Variants in FAM200B observed in about 807,000 individuals in gnomAD.
FAM200B encodes the protein zinc finger BED-type containing 11.
Under a neutral mutation model 33.1 loss-of-function variants are expected in FAM200B, and 32 were observed. That is an observed-to-expected ratio of 0.97 (90% CI 0.73 to 1.30). The LOEUF (loss-of-function observed/expected upper bound fraction) is 1.30. FAM200B is among the 50% of genes most tolerant of loss of function. The probability of loss-of-function intolerance (pLI) is 0.00; values close to 1 mark genes in which losing one functional copy is unlikely to be tolerated. For synonymous variants in FAM200B, 240 were observed against 264.8 expected (o/e 0.91, Z 0.91); for missense variants, 741 against 754.0 (o/e 0.98, Z 0.20).
the FAM200B span, among the ~76,000 whole-genome samples, chr4:15,642,243 CTTTTT>C: frequency 7.1e-6 from 1 of 141,772 alleles, no homozygotes; most frequent in South Asian, 2.3e-4. Flanking sequence ...ATAATGAAAA[CTTTTT>C]TTTTTTTTTT....
chr4:15,668,400 CAG>C, the FAM200B span, among the ~76,000 whole-genome samples: 4 of 151,764 alleles, frequency 2.6e-5, no homozygotes, highest in Non-Finnish European at 5.9e-5. Context: ...AGTGACAAAA[CAG>C]AGAAAAGTGT....
At chr4:15,683,126 A>G (rs997352614) in intron 1 of FAM200B, among the ~76,000 whole-genome samples, 1 of 152,256 alleles carries the variant, frequency 6.6e-6, no homozygotes, top group African/African-American at 2.4e-5. Context: ...AACAATAACA[A>G]TCATTGCATT....
chr4:15,681,205 CTAAA>C (rs1317218270), upstream of FAM200B: 1 of 152,192 alleles, frequency 6.6e-6, no homozygotes. Context: ...ATGCGATTCT[CTAAA>C]TAAGTAAACA....
the FAM200B span, among the ~76,000 whole-genome samples, chr4:15,656,497 T>C: frequency 6.6e-6 from 1 of 152,312 alleles, no homozygotes; most frequent in Non-Finnish European, 1.5e-5. Flanking sequence ...CAAGACAACA[T>C]GGGGATCAGT....
In FAM200B at chr4:15,686,728, G is replaced by A. The variant is rs1718880283; in HGVS notation, c.-250G>A. 3.8e-6 allele frequency: 1 copy of A among 265,734 alleles called. No individual in the cohort carries two copies. The highest frequency in any genetic ancestry group is 7.1e-6 in the Non-Finnish European group (1 of 141,474). 16.5% of individuals were successfully genotyped at this position (265,734 alleles called of 1,614,324 possible). A position where few individuals can be genotyped will look rare whatever the true frequency, so the allele number is the denominator to read the frequency against. On this transcript the variant is annotated 5_prime_UTR_variant, in exon 2 of 2. Coordinates refer to ENST00000422728, the MANE Select transcript of FAM200B (RefSeq NM_001145191.2). The stretch of plus-strand genomic sequence containing the variant: ...GATGAATAGAATGTATATTGGCTAA[G>A]AAATGGTTTTCAGTCATTGATTCCT...
At chr4:15,643,781 A>G in the FAM200B span, among the ~76,000 whole-genome samples, 1 of 152,242 alleles carries the variant, frequency 6.6e-6, no homozygotes, top group African/African-American at 2.4e-5. Flanking sequence ...AGTAATAATT[A>G]TACCTTTGGT....
the FAM200B span, chr4:15,644,515 T>C: frequency 6.2e-7 from 1 of 1,612,070 alleles, no homozygotes; most frequent in Non-Finnish European, 8.5e-7. Flanking sequence ...CAGTCCCTTT[T>C]CAAAGAGGCT....
chr4:15,676,595 T>C, the FAM200B span, among the ~76,000 whole-genome samples: 2 of 152,050 alleles, frequency 1.3e-5, no homozygotes, highest in South Asian at 2.1e-4. Context: ...CACTCAATAT[T>C]AGATATTAGA....
the FAM200B span, chr4:15,640,974 T>C: frequency 8.2e-6 from 5 of 606,164 alleles, no homozygotes; most frequent in Non-Finnish European, 1.4e-5. Context: ...ACATAAAACC[T>C]CCGGGGAAAA....
chr4:15,640,503 A>G, the FAM200B span, among the ~76,000 whole-genome samples: 1 of 152,020 alleles, frequency 6.6e-6, no homozygotes, highest in African/African-American at 2.4e-5. Context: ...TTAGGGTAGC[A>G]TAAGTTATTA....
At chr4:15,680,215 G>A (rs955439719), upstream of FAM200B, among the ~76,000 whole-genome samples, 8 of 152,050 alleles carry the variant, frequency 5.3e-5, no homozygotes, top group African/African-American at 1.2e-4. Context: ...CATGAAGACC[G>A]GAAGGATAAA....
chr4:15,644,268 C>T, the FAM200B span, among the ~76,000 whole-genome samples: 1 of 152,212 alleles, frequency 6.6e-6, no homozygotes, highest in East Asian at 1.9e-4. Flanking sequence ...TAAATCCCTA[C>T]TTGTCCTTAC....
At chr4:15,664,550 CTT>C in the FAM200B span, among the ~76,000 whole-genome samples, 12,650 of 74,588 alleles carry the variant, frequency 0.17, 204 homozygotes, top group Non-Finnish European at 0.2. Flanking sequence ...GGCCCTCATC[CTT>C]TTTTTTTTTT....
chr4:15,642,378 G>A, the FAM200B span, among the ~76,000 whole-genome samples: 1 of 151,758 alleles, frequency 6.6e-6, no homozygotes, highest in African/African-American at 2.4e-5. Context: ...GACTACAGGT[G>A]CCCATCACAA....
At position 15,687,369 on chromosome 4, in the gene FAM200B, TATC is replaced by T. The variant is rs1459617337; in HGVS notation, c.394_396del (p.Ser132del). ...CAAAGAAAGAAAAAAGACATAAAGTTATCAACACAATTTCTTAGTTGTTCTACT... is the reference window on the plus strand; with the variant it reads ...CAAAGAAAGAAAAAAGACATAAAGTTAACACAATTTCTTAGTTGTTCTACT... On this transcript the variant is annotated inframe_deletion, in exon 2 of 2. Transcript: ENST00000422728. The T allele has an allele frequency of 6.5e-7, 1 of 1,547,068 alleles. No homozygotes were observed. The highest frequency in any genetic ancestry group is 2.0e-5 in the Admixed American group (1 of 50,592).
the FAM200B span, chr4:15,655,223 A>G: frequency 1.4e-6 from 2 of 1,434,836 alleles, no homozygotes; most frequent in South Asian, 1.3e-5. Flanking sequence ...GTAGAGCCCC[A>G]CCAGCTGCTT....
chr4:15,656,412 A>G, the FAM200B span: 1 of 409,602 alleles, frequency 2.4e-6, no homozygotes, highest in Non-Finnish European at 4.9e-6. Context: ...TATTTGCTTA[A>G]TGGCCAGAAC....
chr4:15,650,944 T>C, the FAM200B span, among the ~76,000 whole-genome samples: 1 of 152,144 alleles, frequency 6.6e-6, no homozygotes, highest in Non-Finnish European at 1.5e-5. Flanking sequence ...ACTGACTTTC[T>C]GTCTCAGACA....
the FAM200B span, among the ~76,000 whole-genome samples, chr4:15,652,788 G>T: frequency 0.026 from 4,016 of 152,174 alleles, 186 homozygotes; most frequent in East Asian, 0.21. Context: ...TAATAACTGG[G>T]CATTCAGAGC....
Sources: gnomAD v4.1 joint callset for allele counts (sites outside exome capture counted in the v4.1 genomes callset) on GRCh38, gnomAD v4.1.1 for gene constraint, MANE v1.5 for transcripts, NCBI Gene and HGNC (gene_info 2026-07-23, HGNC 2026-07-21) for gene names.